The following RALYL variants were observed in gnomAD, a reference collection of about 807,000 sequenced individuals.
RALYL encodes RNA-binding Raly-like protein.
Under a neutral mutation model 35.1 loss-of-function variants are expected in RALYL, and 29 were observed. The ratio of observed to expected loss-of-function variants is 0.83; its 90% CI spans 0.61 to 1.13. The LOEUF is 1.13. Ranked by LOEUF, RALYL falls within the 50% of genes most tolerant of loss-of-function variation. The pLI is 0.00. For synonymous variants in RALYL, 120 were observed against 127.6 expected (o/e 0.94, Z 0.40); for missense variants, 359 against 360.4 (o/e 1.00, Z 0.03).
At chr8:84,706,026 G>C in intron 2 of RALYL, 1 of 1,534,796 alleles carries the variant, frequency 6.5e-7, no homozygotes, top group Non-Finnish European at 8.7e-7. Flanking sequence ...TTTTCAAAAT[G>C]ACCATGTACA....
chr8:84,813,664 A>G (rs1189269405), intron 4 of RALYL, among the ~76,000 whole-genome samples: 1 of 152,198 alleles, frequency 6.6e-6, no homozygotes, highest in Non-Finnish European at 1.5e-5. Context: ...ACTGCCTGTC[A>G]GTGTCTTAAA....
At chr8:84,353,112 A>G (rs1258470760) in intron 1 of RALYL, among the ~76,000 whole-genome samples, 1 of 150,168 alleles carries the variant, frequency 6.7e-6, no homozygotes, top group African/African-American at 2.5e-5. Context: ...CCCAGATACA[A>G]TCATATTAAC....
At chr8:84,601,752 G>A (rs976002216) in intron 2 of RALYL, among the ~76,000 whole-genome samples, 1 of 151,994 alleles carries the variant, frequency 6.6e-6, no homozygotes, top group Non-Finnish European at 1.5e-5. Flanking sequence ...GATGGTTTAA[G>A]CCATTGGAAA....
chr8:84,528,911 C>T (rs1385914046), intron 1 of RALYL, among the ~76,000 whole-genome samples: 1 of 152,066 alleles, frequency 6.6e-6, no homozygotes, highest in Non-Finnish European at 1.5e-5. Context: ...GGTTACATTT[C>T]TTTATTACAT....
intron 1 of RALYL, among the ~76,000 whole-genome samples, chr8:84,264,870 T>A (rs1043121505): frequency 6.6e-6 from 1 of 152,324 alleles, no homozygotes; most frequent in East Asian, 1.9e-4. Context: ...ATGAATTGAT[T>A]TACATGATGT....
At chr8:84,342,299 A>T (rs1487223497) in intron 1 of RALYL, among the ~76,000 whole-genome samples, 1 of 57,266 alleles carries the variant, frequency 1.7e-5, no homozygotes, top group Non-Finnish European at 3.2e-5. Context: ...TATATATAAA[A>T]CTCAAAAAGT....
rs538525897 is a variant in RALYL, at chr8:84,764,344, C to A, written c.257-10235C>A. Among the ~76,000 whole-genome samples, 32 of 152,180 alleles carry A rather than the reference C, an allele frequency of 2.1e-4. No individual in the cohort carries two copies. The South Asian group carries it at 5.2e-3, about 25-fold the overall frequency. On this transcript the variant is annotated intron_variant, in intron 2 of 8. Coordinates refer to ENST00000521268, the MANE Select transcript of RALYL (RefSeq NM_173848.7). ...TGGCACCGGGCATATGTTGTATGTT[C>A]AAATAATTATTTGATCAATGAAAAT...
intron 1 of RALYL, among the ~76,000 whole-genome samples, chr8:84,469,914 T>C (rs546274432): frequency 4.6e-5 from 7 of 152,332 alleles, no homozygotes; most frequent in African/African-American, 1.7e-4. Context: ...AGGTGCCGTC[T>C]GTCAGCCCTT....
intron 1 of RALYL, among the ~76,000 whole-genome samples, chr8:84,518,777 G>A (rs2058247816): frequency 6.6e-6 from 1 of 152,132 alleles, no homozygotes; most frequent in Non-Finnish European, 1.5e-5. Flanking sequence ...GCATCTCTGT[G>A]GCCAGTATAG....
At chr8:84,480,409 G>A (rs755456876) in intron 1 of RALYL, among the ~76,000 whole-genome samples, 1 of 152,104 alleles carries the variant, frequency 6.6e-6, no homozygotes, top group African/African-American at 2.4e-5. Context: ...CTTACTTTAA[G>A]ATCTGTTTGT....
chr8:84,307,262 C>T (rs1426995250), intron 1 of RALYL, among the ~76,000 whole-genome samples: 1 of 152,110 alleles, frequency 6.6e-6, no homozygotes. Flanking sequence ...TTTATGGGCA[C>T]ACTTCACCCT....
intron 2 of RALYL, among the ~76,000 whole-genome samples, chr8:84,687,510 C>A (rs527964950): frequency 6.6e-6 from 1 of 152,106 alleles, no homozygotes; most frequent in African/African-American, 2.4e-5. Flanking sequence ...TTATAGTTTC[C>A]GATCCTTTGA....
chr8:84,222,177 AT>A (rs1363633115), intron 1 of RALYL, among the ~76,000 whole-genome samples: 1 of 152,122 alleles, frequency 6.6e-6, no homozygotes, highest in African/African-American at 2.4e-5. Context: ...AATTACTATT[AT>A]GCTTGCAATA....
Position 84,921,095 on chromosome 8 carries a change from A to T in RALYL, c.*184A>T. 2.5e-6 allele frequency: 1 copy of T among 404,732 alleles called. No individual in the cohort carries two copies. Among genetic ancestry groups the T allele is most frequent in the Non-Finnish European group, 4.5e-6 (1 of 221,082 alleles). The allele number at this position is 404,732 out of a possible 1,614,324, so 25.1% of individuals were successfully genotyped here. ...CCATTTCTTCTATGTTTTAAGCTGTACAATTGTCAGGTTTTTATGGTTTAA... is the reference window on the plus strand; with the variant it reads ...CCATTTCTTCTATGTTTTAAGCTGTTCAATTGTCAGGTTTTTATGGTTTAA... On this transcript the variant is annotated 3_prime_UTR_variant, in exon 9 of 9. Transcript: ENST00000521268.
At chr8:84,615,759 C>T (rs1208289900) in intron 2 of RALYL, among the ~76,000 whole-genome samples, 1 of 111,246 alleles carries the variant, frequency 9.0e-6, no homozygotes, top group East Asian at 3.1e-4. Flanking sequence ...CCCCACCCCA[C>T]AACAGTCCCC....
chr8:84,400,281 A>G (rs1563854214), intron 1 of RALYL, among the ~76,000 whole-genome samples: 2 of 152,168 alleles, frequency 1.3e-5, no homozygotes, highest in African/African-American at 4.8e-5. Flanking sequence ...GTAATCTTAT[A>G]CAGTGTTATT....
intron 1 of RALYL, among the ~76,000 whole-genome samples, chr8:84,240,538 A>G (rs536308773): frequency 8.4e-4 from 128 of 152,326 alleles, no homozygotes; most frequent in Admixed American, 1.7e-3. Flanking sequence ...GATAGAAGAA[A>G]TGTCACAAGG....
At chr8:84,841,115 C>G (rs1279674113) in intron 4 of RALYL, among the ~76,000 whole-genome samples, 1 of 152,096 alleles carries the variant, frequency 6.6e-6, no homozygotes, top group East Asian at 1.9e-4. Flanking sequence ...TCACACATAA[C>G]AATACTAACC....
chr8:84,188,307 G>T (rs927285084), intron 1 of RALYL, among the ~76,000 whole-genome samples: 29 of 151,776 alleles, frequency 1.9e-4, no homozygotes, highest in Non-Finnish European at 3.5e-4. Context: ...TCTGTGTTTT[G>T]CTATGAAAAC....
Sources: allele counts gnomAD v4.1 joint callset (sites outside exome capture counted in the v4.1 genomes callset), GRCh38; gene constraint gnomAD v4.1.1; transcripts MANE v1.5; gene names NCBI Gene and HGNC (gene_info 2026-07-23, HGNC 2026-07-21).